Variants in BTF3 observed in about 807,000 individuals in gnomAD.
The protein encoded by BTF3 is basic transcription factor 3.
In BTF3, 12 loss-of-function variants were observed where a neutral mutation model predicts 23.9. That is an observed-to-expected ratio of 0.50 (90% CI 0.32 to 0.81). The LOEUF is 0.81. Among genes scored for constraint, BTF3 ranks in the 40% least tolerant of loss-of-function variants. The probability of loss-of-function intolerance (pLI) is 0.03; values close to 1 mark genes in which losing one functional copy is unlikely to be tolerated. For missense variants in BTF3, 215 were observed against 255.9 expected (o/e 0.84, Z 1.09); for synonymous variants, 96 against 94.8 (o/e 1.01, Z -0.07).
In BTF3 at chr5:73,498,746, G is replaced by A; in HGVS notation, c.79G>A (p.Ala27Thr). The A allele has an allele frequency of 6.7e-7, 1 of 1,494,074 alleles. No homozygotes were observed. The highest frequency in any genetic ancestry group is 8.8e-7 in the Non-Finnish European group (1 of 1,132,100). 92.6% of individuals were successfully genotyped at this position (1,494,074 alleles called of 1,614,324 possible). ...CAGGGGCGGCTGCCCTGGGGGCGAG[G>A]CGACGCTGTCTCAACCTCCACCTCG... The part of the protein sequence containing the change: ...RARGGCPGGE[A>T]TLSQPPPRGG... The change falls in exon 1 of 6, where the codon GCG becomes ACG. Residue 27 changes from alanine to threonine, a missense_variant. Ala to Thr is a moderately conservative substitution (Grantham distance 58). Around this residue, in one of 2 missense-constraint regions of BTF3, gnomAD observed 116 missense variants for 84.7 expected, o/e 1.37. Coordinates refer to ENST00000380591, the MANE Select transcript of BTF3 (RefSeq NM_001037637.2).
intron 1 of BTF3, 152 bp downstream of exon 1, chr5:73,498,951 G>A: frequency 1.5e-6 from 2 of 1,329,860 alleles, no homozygotes; most frequent in Middle Eastern, 2.7e-4. Context: ...GGGAGTGGTG[G>A]GGAGGCGGGT....
chr5:73,499,074 G>A (rs1746369584), intron 1 of BTF3, 60 bp from the exon 2 acceptor site: 28 of 1,489,008 alleles, frequency 1.9e-5, no homozygotes, highest in Non-Finnish European at 2.4e-5. Context: ...GGGAAATAAC[G>A]AGCATGGAAT....
chr5:73,503,719 T>G (rs1379744416), intron 4 of BTF3, among the ~76,000 whole-genome samples: 1 of 152,236 alleles, frequency 6.6e-6, no homozygotes, highest in African/African-American at 2.4e-5. Flanking sequence ...TGACTTAATC[T>G]GCCTCAATTT....
chr5:73,502,681 T>G (rs921678351), intron 3 of BTF3, 80 bp downstream of exon 3: 5 of 879,240 alleles, frequency 5.7e-6, no homozygotes, highest in Non-Finnish European at 7.7e-6. Flanking sequence ...TGGGTTGTTT[T>G]TTTTTTTTTT....
At chr5:73,502,158 C>CAAAAAAAAAAAAAAAAAA (rs148360172) in intron 2 of BTF3, among the ~76,000 whole-genome samples, 1 of 77,080 alleles carries the variant, frequency 1.3e-5, no homozygotes, top group Non-Finnish European at 3.3e-5. Context: ...GACCCTGTCT[C>CAAAAAAAAAAAAAAAAAA]AAAAAAAAAA....
chr5:73,505,342 T>G lies in BTF3; in HGVS notation c.*104T>G, dbSNP rs1357707316. On this transcript the variant is annotated 3_prime_UTR_variant, in exon 6 of 6. Transcript: ENST00000380591. ...ATTTTTGTTTATGGATCTGATAAAA[T>G]CTAGATCTCTAATATTTTTAAGCCC... 1.0e-6 allele frequency: 1 copy of G among 992,066 alleles called. No individual in the cohort carries two copies. The highest frequency in any genetic ancestry group is 2.5e-5 in the East Asian group (1 of 39,276). 61.5% of individuals were successfully genotyped at this position (992,066 alleles called of 1,614,324 possible).
chr5:73,500,495 C>T (rs898326524), intron 2 of BTF3, among the ~76,000 whole-genome samples: 3 of 152,150 alleles, frequency 2.0e-5, no homozygotes, highest in East Asian at 1.9e-4. Context: ...ATATTTAAAG[C>T]TGATAACAAG....
intron 2 of BTF3, among the ~76,000 whole-genome samples, chr5:73,500,015 T>A (rs1746397002): frequency 6.6e-6 from 1 of 152,212 alleles, no homozygotes; most frequent in South Asian, 2.1e-4. Context: ...ATGGTACATG[T>A]TTATTACCTT....
Position 73,505,204 on chromosome 5 carries a change from A to G in BTF3, c.587A>G (p.Asn196Ser), listed in dbSNP as rs1464051814. ...TTCCTTTTCCTAGATCTTGTGGAGAATTTTGATGAGGCTTCCAAGAATGAG... is the reference window on the plus strand; with the variant it reads ...TTCCTTTTCCTAGATCTTGTGGAGAGTTTTGATGAGGCTTCCAAGAATGAG... ...DDDEVPDLVE[N>S]FDEASKNEAN The change falls in exon 6 of 6, where the codon AAT (asparagine) becomes AGT (serine). Residue 196 changes from asparagine (N) to serine (S), a missense_variant. Physicochemically the swap from Asn to Ser is conservative, Grantham distance 46. Coordinates refer to ENST00000380591, the MANE Select transcript of BTF3 (RefSeq NM_001037637.2). 1 of 1,610,070 alleles carries G rather than the reference A, an allele frequency of 6.2e-7. No individual in the cohort carries two copies. Among genetic ancestry groups the G allele is most frequent in the South Asian group, 1.1e-5 (1 of 90,786 alleles).
At chr5:73,504,053 AAG>A (rs2111963964) in intron 4 of BTF3, among the ~76,000 whole-genome samples, 2 of 152,268 alleles carry the variant, frequency 1.3e-5, no homozygotes, top group East Asian at 3.9e-4. Context: ...CCTGCACTCT[AAG>A]AGTTCCCTAC....
rs1426913618 is a variant in BTF3 at position 73,504,377 on chromosome 5, G to C, written c.548G>C (p.Gly183Ala). The change falls in exon 5 of 6, where the codon GGA becomes GCA. Residue 183 changes from glycine (G) to alanine (A), a missense_variant. This residue lies in a region of BTF3 where 99 missense variants were observed against 171.2 expected (regional missense o/e 0.58). Transcript: ENST00000380591. ...SVDGKAPLATGEDDDDEVPDL... is the reference protein window; with the variant it reads ...SVDGKAPLATAEDDDDEVPDL... ...GATGGAAAAGCACCACTTGCTACTG[G>C]AGAGGATGATGATGATGAAGTTCCA... 2.5e-6 allele frequency: 4 copies of C among 1,596,292 alleles called. No individual in the cohort carries two copies. Among genetic ancestry groups the C allele is most frequent in the East Asian group, 4.5e-5 (2 of 44,110 alleles).
intron 1 of BTF3, 67 bp downstream of exon 1, chr5:73,498,866 GC>G: frequency 6.7e-7 from 1 of 1,490,542 alleles, no homozygotes; most frequent in Non-Finnish European, 8.8e-7. Flanking sequence ...CCAGGCCAGG[GC>G]CAGGGGTGGG....
In BTF3 at chr5:73,498,648, C is replaced by CA; in HGVS notation, c.-19dup. The CA allele has an allele frequency of 5.3e-6, 8 of 1,499,676 alleles. No individual in the cohort carries two copies. The highest frequency in any genetic ancestry group is 7.1e-6 in the Non-Finnish European group (8 of 1,134,122). 92.9% of individuals were successfully genotyped at this position (1,499,676 alleles called of 1,614,324 possible). On this transcript the variant is annotated 5_prime_UTR_variant, in exon 1 of 6. Coordinates refer to ENST00000380591, the MANE Select transcript of BTF3 (RefSeq NM_001037637.2). ...AGGAGCGAGACAGGGAGGGACAGGG[C>CA]AGAGGAGGAGAGGAAGGCGATGCGA...
intron 2 of BTF3, among the ~76,000 whole-genome samples, chr5:73,501,876 A>G (rs1455407587): frequency 6.6e-6 from 1 of 152,126 alleles, no homozygotes; most frequent in African/African-American, 2.4e-5. Context: ...TAATATAAAA[A>G]CAGAAAAGGG....
rs115669743 is a variant in BTF3 at position 73,504,432 on chromosome 5, G to A, written c.574+29G>A. On this transcript the variant is annotated intron_variant, in intron 5 of 5. Transcript: ENST00000380591. ...GGAACGTTTACTTGTGGTTAACCTA[G>A]AGAATCTTAGCAAGGGAGAATAAGA... 2,546 of 1,575,194 alleles carry A rather than the reference G, an allele frequency of 1.6e-3. 34 individuals are homozygous for A. The African/African-American group carries it at 0.03, about 19-fold the overall frequency.
chr5:73,503,014 T>C lies in BTF3; in HGVS notation c.414T>C (p.Ala138=), dbSNP rs1398748047. 1.2e-6 allele frequency: 2 copies of C among 1,613,958 alleles called. No individual in the cohort carries two copies. The highest frequency in any genetic ancestry group is 3.3e-5 in the Admixed American group (2 of 60,024). ...ACACTTTCACCATTACAGGCCATGC[T>C]GAGACAAAGCAGCTGACAGAAATGC... ...AANTFTITGH[A]ETKQLTEMLP... The change falls in exon 4 of 6, where the codon GCT becomes GCC. Residue 138 remains alanine, a synonymous_variant. Coordinates refer to ENST00000380591, the MANE Select transcript of BTF3 (RefSeq NM_001037637.2).
intron 1 of BTF3, 75 bp downstream of exon 1, chr5:73,498,874 TG>T (rs1376735432): frequency 2.8e-6 from 4 of 1,434,554 alleles, no homozygotes; most frequent in Non-Finnish European, 2.7e-6. Flanking sequence ...GGGCCAGGGG[TG>T]GGGGGTGCTG....
chr5:73,504,975 T>C (rs1368705042), intron 5 of BTF3: 4 of 471,340 alleles, frequency 8.5e-6, no homozygotes, highest in Non-Finnish European at 1.5e-5. Flanking sequence ...CATTGTATTC[T>C]TTGGTTCTGC....
At chr5:73,500,898 C>G (rs1046908339) in intron 2 of BTF3, among the ~76,000 whole-genome samples, 1 of 148,240 alleles carries the variant, frequency 6.7e-6, no homozygotes, top group Admixed American at 6.7e-5. Context: ...GATTTTTGTA[C>G]TTAATAGTTT....
Sources: gnomAD v4.1 joint callset for allele counts (sites outside exome capture counted in the v4.1 genomes callset) on GRCh38, gnomAD v4.1.1 for gene constraint, gnomAD v4.1.1 regional missense constraint, MANE v1.5 for transcripts, NCBI Gene and HGNC (gene_info 2026-07-23, HGNC 2026-07-21) for gene names.